The following ITGB2 variants were observed in gnomAD, a reference collection of about 807,000 sequenced individuals.
ITGB2 encodes integrin subunit beta 2.
In ITGB2, 56 loss-of-function variants were observed where a neutral mutation model predicts 86.8. The ratio of observed to expected loss-of-function variants is 0.65; its 90% CI spans 0.52 to 0.81. The LOEUF is 0.81. ITGB2 is among the 30% of genes least tolerant of loss of function. The pLI is 0.00. For missense variants in ITGB2, 948 were observed against 1,061.2 expected (o/e 0.89, Z 1.48); for synonymous variants, 457 against 450.4 (o/e 1.01, Z -0.19).
chr21:44,897,185 G>C (rs369610438), intron 8 of ITGB2, among the ~76,000 whole-genome samples: 1 of 152,236 alleles, frequency 6.6e-6, no homozygotes, highest in Non-Finnish European at 1.5e-5. Context: ...GGAACCGCTG[G>C]TCTCGCTGTC....
chr21:44,916,042 C>A (rs915321585), intron 1 of ITGB2, among the ~76,000 whole-genome samples: 4 of 152,132 alleles, frequency 2.6e-5, no homozygotes, highest in Non-Finnish European at 5.9e-5. Flanking sequence ...TCTGCCTCAG[C>A]CTCCTGAGTA....
Position 44,889,378 on chromosome 21 carries a change from C to G in ITGB2, c.1775G>C (p.Gly592Ala). The change falls in exon 13 of 16, where the codon GGT becomes GCT. Residue 592 changes from glycine (G) to alanine (A), a missense_variant. By Grantham distance (60) the Gly-to-Ala change is moderately conservative (BLOSUM62 0). Transcript: ENST00000652462. Reference sequence around the variant, plus strand: ...TACGTTGCAGCGGCACCGGCCACGACCACTACACTCAACACGCCGCGGGTT... The same window carrying G: ...TACGTTGCAGCGGCACCGGCCACGAGCACTACACTCAACACGCCGCGGGTT... Reference protein sequence around the residue: ...CLNPRRVECSGRGRCRCNVCE... With the variant: ...CLNPRRVECSARGRCRCNVCE... The G allele has an allele frequency of 1.2e-6, 2 of 1,612,930 alleles. No homozygotes were observed. The highest frequency in any genetic ancestry group is 1.7e-6 in the Non-Finnish European group (2 of 1,179,892).
At chr21:44,907,591 G>A (rs1316862302) in intron 3 of ITGB2, among the ~76,000 whole-genome samples, 1 of 152,256 alleles carries the variant, frequency 6.6e-6, no homozygotes, top group Non-Finnish European at 1.5e-5. Flanking sequence ...GGAGGCCTGG[G>A]CCCAGGGCGC....
At chr21:44,899,188 T>C (rs1406647744) in intron 7 of ITGB2, 26 bp from the exon 8 acceptor site, 3 of 1,560,368 alleles carry the variant, frequency 1.9e-6, no homozygotes, top group Non-Finnish European at 8.8e-7. Context: ...CCTGCTCAGT[T>C]GGCCCCGAGT....
intron 1 of ITGB2, among the ~76,000 whole-genome samples, chr21:44,926,231 C>T (rs1423122451): frequency 6.6e-6 from 1 of 152,250 alleles, no homozygotes; most frequent in Admixed American, 6.5e-5. Context: ...ATGGGGGGAC[C>T]CAGACCTCCA....
intron 1 of ITGB2, among the ~76,000 whole-genome samples, chr21:44,917,388 A>T (rs2084227528): frequency 6.6e-6 from 1 of 152,230 alleles, no homozygotes; most frequent in African/African-American, 2.4e-5. Flanking sequence ...AATTTTCATT[A>T]TTCCTGTTTG....
At chr21:44,895,578 A>G (rs374629855) in intron 8 of ITGB2, among the ~76,000 whole-genome samples, 2 of 152,140 alleles carry the variant, frequency 1.3e-5, no homozygotes, top group South Asian at 2.1e-4. Flanking sequence ...ATGATGGCTC[A>G]CGCCTGTGAT....
At chr21:44,901,185 G>A (rs996440657) in intron 6 of ITGB2, among the ~76,000 whole-genome samples, 2 of 152,200 alleles carry the variant, frequency 1.3e-5, no homozygotes, top group African/African-American at 2.4e-5. Context: ...GCTGCCTAGC[G>A]GCCCTGTTCC....
At chr21:44,888,950 CG>C in intron 13 of ITGB2, 55 bp from the exon 14 acceptor site, 1 of 1,482,252 alleles carries the variant, frequency 6.7e-7, no homozygotes, top group South Asian at 1.1e-5. Flanking sequence ...GCTCCGGCAA[CG>C]GGGGCTCGGG....
intron 1 of ITGB2, among the ~76,000 whole-genome samples, chr21:44,913,104 G>A (rs1301083746): frequency 3.7e-5 from 5 of 135,340 alleles, no homozygotes; most frequent in African/African-American, 1.1e-4. Context: ...CTCCCCCAGG[G>A]TGCAGGGTCC....
intron 1 of ITGB2, among the ~76,000 whole-genome samples, chr21:44,913,635 A>AGC (rs1290538555): frequency 1.4e-4 from 21 of 152,078 alleles, no homozygotes; most frequent in Admixed American, 1.4e-3. Context: ...ACAGCTGGGG[A>AGC]TGAAGGTCCG....
intron 2 of ITGB2, 67 bp from the exon 3 acceptor site, chr21:44,910,439 G>C (rs751773213): frequency 6.2e-7 from 1 of 1,610,176 alleles, no homozygotes; most frequent in Admixed American, 1.7e-5. Context: ...AGGGGGAGTA[G>C]AGCAGGAAGG....
intron 9 of ITGB2, 107 bp from the exon 10 acceptor site, chr21:44,893,651 C>T: frequency 1.4e-6 from 2 of 1,431,782 alleles, no homozygotes; most frequent in Non-Finnish European, 2.0e-6. Flanking sequence ...AGTGCAAGTC[C>T]CCAGTGTCAG....
intron 4 of ITGB2, among the ~76,000 whole-genome samples, chr21:44,905,542 A>G (rs2084029815): frequency 1.3e-5 from 2 of 152,202 alleles, no homozygotes; most frequent in African/African-American, 4.8e-5. Flanking sequence ...CACCTCTGTC[A>G]GCCTCAGTTT....
chr21:44,911,683 A>T (rs977736532), intron 1 of ITGB2, among the ~76,000 whole-genome samples: 2 of 151,966 alleles, frequency 1.3e-5, no homozygotes, highest in Non-Finnish European at 2.9e-5. Context: ...CCAGATACAC[A>T]CCCACCCCGT....
At chr21:44,919,902 G>T (rs2084274543) in intron 1 of ITGB2, among the ~76,000 whole-genome samples, 1 of 152,194 alleles carries the variant, frequency 6.6e-6, no homozygotes, top group South Asian at 2.1e-4. Flanking sequence ...CCCCAAGAGT[G>T]CAGTGTTGGG....
At chr21:44,898,971 G>T in intron 8 of ITGB2, 96 bp downstream of exon 8, 1 of 990,526 alleles carries the variant, frequency 1.0e-6, no homozygotes, top group Non-Finnish European at 1.6e-6. Context: ...TGCCCAGCAT[G>T]CAGAGGTGGC....
chr21:44,894,549 C>A, intron 9 of ITGB2: 1 of 294,326 alleles, frequency 3.4e-6, no homozygotes, highest in Admixed American at 4.3e-5. Flanking sequence ...GGAGCTTGCC[C>A]AGGACAGGTG....
chr21:44,890,367 C>A (rs1601284776), intron 11 of ITGB2, 145 bp from the exon 12 acceptor site: 4 of 1,023,366 alleles, frequency 3.9e-6, no homozygotes, highest in East Asian at 5.1e-5. Flanking sequence ...TGAGCACTTG[C>A]CACGGACTAA....
Sources: gnomAD v4.1 joint callset for allele counts (sites outside exome capture counted in the v4.1 genomes callset) on GRCh38, gnomAD v4.1.1 for gene constraint, MANE v1.5 for transcripts, NCBI Gene and HGNC (gene_info 2026-07-23, HGNC 2026-07-21) for gene names.